CSGALNACT2: variants seen among roughly 807,000 people sequenced by gnomAD.
The protein encoded by CSGALNACT2 is chondroitin sulfate N-acetylgalactosaminyltransferase 2, also known as beta 4 GalNAcT-2.
A neutral mutation model predicts 55.3 loss-of-function variants in CSGALNACT2; 35 were observed. The ratio of observed to expected loss-of-function variants is 0.63; its 90% confidence interval spans 0.48 to 0.84. The LOEUF (loss-of-function observed/expected upper bound fraction) is 0.84. Among genes scored for constraint, CSGALNACT2 ranks in the 40% least tolerant of loss-of-function variants. The probability of loss-of-function intolerance (pLI) is 0.00; values close to 1 mark genes in which losing one functional copy is unlikely to be tolerated. For missense variants in CSGALNACT2, 544 were observed against 657.5 expected (o/e 0.83, Z 1.89); for synonymous variants, 196 against 224.9 (o/e 0.87, Z 1.15).
chr10:43,183,120 G>A (rs1197608880), intron 7 of CSGALNACT2, 130 bp from the exon 8 acceptor site: 1 of 707,330 alleles, frequency 1.4e-6, no homozygotes, highest in African/African-American at 1.8e-5. Flanking sequence ...CTCCATGCCA[G>A]GTGTCTCGTG....
intron 3 of CSGALNACT2, 27 bp downstream of exon 3, chr10:43,158,958 C>G: frequency 7.7e-7 from 1 of 1,300,622 alleles, no homozygotes; most frequent in Non-Finnish European, 1.1e-6. Flanking sequence ...AATGATTAAG[C>G]TACATTCTCC....
chr10:43,176,210 G>GA (rs1234657934), intron 7 of CSGALNACT2, among the ~76,000 whole-genome samples, 178 bp downstream of exon 7: 2 of 151,814 alleles, frequency 1.3e-5, no homozygotes, highest in South Asian at 2.1e-4. Flanking sequence ...TTTTGAATAG[G>GA]AAAAAAATGG....
At chr10:43,168,585 G>A (rs112726775) in intron 6 of CSGALNACT2, among the ~76,000 whole-genome samples, 1 of 151,896 alleles carries the variant, frequency 6.6e-6, no homozygotes, top group Non-Finnish European at 1.5e-5. Flanking sequence ...CTCTCAAAGA[G>A]CAGGTAATAT....
chr10:43,179,873 T>A (rs954610346), intron 7 of CSGALNACT2, among the ~76,000 whole-genome samples: 34 of 152,370 alleles, frequency 2.2e-4, no homozygotes, highest in African/African-American at 7.5e-4. Context: ...TTCAAGAGGC[T>A]GGAACTTCTC....
At chr10:43,179,519 T>A (rs574962971) in intron 7 of CSGALNACT2, among the ~76,000 whole-genome samples, 1 of 152,272 alleles carries the variant, frequency 6.6e-6, no homozygotes, top group Admixed American at 6.5e-5. Context: ...TGTGCAGTTA[T>A]CCTAGGATGG....
chr10:43,175,010 G>A (rs1377846743), intron 6 of CSGALNACT2, among the ~76,000 whole-genome samples: 8 of 152,230 alleles, frequency 5.3e-5, no homozygotes, highest in Non-Finnish European at 1.0e-4. Flanking sequence ...TTAGACTTAA[G>A]TGGTGACAGC....
chr10:43,161,283 C>T (rs1049511374), intron 4 of CSGALNACT2, among the ~76,000 whole-genome samples: 2 of 152,202 alleles, frequency 1.3e-5, no homozygotes, highest in African/African-American at 4.8e-5. Context: ...CTTTGACAAC[C>T]TAACCAGTAT....
rs1253117865 is a variant in CSGALNACT2 at position 43,164,105 on chromosome 10, A to G, written c.1159+61A>G. On this transcript the variant is annotated intron_variant, in intron 5 of 7. Transcript: ENST00000374466. The stretch of plus-strand genomic sequence containing the variant: ...ATTTAGAACGTTGTCAGCATGTCCT[A>G]TAGTTTGAATCAAGTGATTTTGAGG... 6 of 1,357,228 alleles carry G rather than the reference A, an allele frequency of 4.4e-6. No homozygotes were observed. In the East Asian group the frequency reaches 1.2e-4, roughly 28 times the overall value. The allele number at this position is 1,357,228 out of a possible 1,614,324, so 84.1% of individuals were successfully genotyped here.
At chr10:43,167,140 C>T in intron 6 of CSGALNACT2, 42 bp downstream of exon 6, 1 of 1,248,104 alleles carries the variant, frequency 8.0e-7, no homozygotes, top group East Asian at 2.3e-5. Flanking sequence ...CTCTAAAGAT[C>T]TTTTCTAGAT....
intron 6 of CSGALNACT2, among the ~76,000 whole-genome samples, chr10:43,172,785 A>T (rs1173570320): frequency 6.6e-6 from 1 of 152,188 alleles, no homozygotes; most frequent in Non-Finnish European, 1.5e-5. Flanking sequence ...ATTAAAACAG[A>T]CTGAGTTGCA....
chr10:43,154,239 G>A (rs1838945294), intron 1 of CSGALNACT2, among the ~76,000 whole-genome samples: 1 of 152,134 alleles, frequency 6.6e-6, no homozygotes, highest in Admixed American at 6.5e-5. Flanking sequence ...GCTTTAGTTG[G>A]GAAATGGTGC....
Position 43,158,820 on chromosome 10 carries a change from C to A in CSGALNACT2, c.767C>A (p.Pro256His). 1 of 1,610,588 alleles carries A rather than the reference C, an allele frequency of 6.2e-7. No homozygotes were observed. The change falls in exon 3 of 8, where the codon CCT becomes CAT. Residue 256 changes from proline (P) to histidine (H), a missense_variant. Pro to His is a moderately conservative substitution (Grantham distance 77, BLOSUM62 -2). Coordinates refer to ENST00000374466, the MANE Select transcript of CSGALNACT2 (RefSeq NM_018590.5). ...RHVTLFRPFG[P>H]LMKVKSEMID... ...GTGACCCTCTTCCGCCCTTTTGGAC[C>A]TCTCATGAAAGTGAAGAGTGAGATG...
At position 43,148,269 on chromosome 10, in the gene CSGALNACT2, A is replaced by G. The variant is rs560921165; in HGVS notation, c.-253-6628A>G. ...TTGACTATATGTCTATTTCTATGCC[A>G]TACCACATTGTCTTAATTACCTGGG... On this transcript the variant is annotated intron_variant, in intron 1 of 7. Coordinates refer to ENST00000374466, the MANE Select transcript of CSGALNACT2 (RefSeq NM_018590.5). Among the ~76,000 whole-genome samples the G allele has an allele frequency of 1.1e-4, 17 of 152,304 alleles. No individual in the cohort carries two copies. In the East Asian group the frequency reaches 2.5e-3, roughly 22 times the overall value.
At chr10:43,179,202 A>G (rs1359714592) in intron 7 of CSGALNACT2, among the ~76,000 whole-genome samples, 1 of 149,348 alleles carries the variant, frequency 6.7e-6, no homozygotes, top group Non-Finnish European at 1.5e-5. Context: ...TTTGTGTATT[A>G]AAGCTAATGT....
intron 1 of CSGALNACT2, among the ~76,000 whole-genome samples, chr10:43,153,021 C>T (rs752329267): frequency 1.8e-4 from 28 of 151,942 alleles, no homozygotes; most frequent in Non-Finnish European, 2.9e-4. Flanking sequence ...TTCTACATCA[C>T]TCAAACAAGA....
chr10:43,151,643 T>C (rs1424688653), intron 1 of CSGALNACT2, among the ~76,000 whole-genome samples: 1 of 152,212 alleles, frequency 6.6e-6, no homozygotes, highest in African/African-American at 2.4e-5. Context: ...TTCAGATTTC[T>C]GGAGTTCTCT....
chr10:43,161,072 A>G (rs1434987245), intron 4 of CSGALNACT2, among the ~76,000 whole-genome samples: 1 of 152,210 alleles, frequency 6.6e-6, no homozygotes, highest in East Asian at 1.9e-4. Context: ...ATCACGAGAC[A>G]GTAGTTCATA....
At position 43,171,058 on chromosome 10, in the gene CSGALNACT2, A is replaced by G. The variant is rs529275837; in HGVS notation, c.1254+3960A>G. On this transcript the variant is annotated intron_variant, in intron 6 of 7. Transcript: ENST00000374466. ...AGGTCCTAGAATAGAAAAAAAAGAC[A>G]GTAAAGGGAAAGCTGGTGAAATCCA... 1.9e-3 allele frequency among the ~76,000 whole-genome samples: 289 copies of G among 152,356 alleles called. 1 individual carries two copies. The highest frequency in any genetic ancestry group is 2.1e-3 in the Non-Finnish European group (146 of 68,028).
intron 1 of CSGALNACT2, among the ~76,000 whole-genome samples, chr10:43,145,451 G>T: frequency 7.7e-6 from 1 of 130,400 alleles, no homozygotes. Flanking sequence ...CAGGGCTAGA[G>T]TGCTTTGGTG....
Sources: allele counts gnomAD v4.1 joint callset (sites outside exome capture counted in the v4.1 genomes callset), GRCh38; gene constraint gnomAD v4.1.1; transcripts MANE v1.5; gene names NCBI Gene and HGNC (gene_info 2026-07-23, HGNC 2026-07-21).